GRIK2: variants seen among roughly 807,000 people sequenced by gnomAD.
The protein encoded by GRIK2 is glutamate ionotropic receptor kainate type subunit 2.
GRIK2 carries 32 observed loss-of-function variants against 100.3 expected under a neutral mutation model. That is an observed-to-expected ratio of 0.32 (90% CI 0.24 to 0.43). GRIK2 has a LOEUF of 0.43. GRIK2 is among the 20% of genes least tolerant of loss of function. GRIK2 has a pLI of 1.00. For synonymous variants in GRIK2, 417 were observed against 389.4 expected (o/e 1.07, Z -0.83); for missense variants, 843 against 1,114.9 (o/e 0.76, Z 3.47).
chr6:101,674,551 A>C (rs1770685926), intron 4 of GRIK2, among the ~76,000 whole-genome samples: 1 of 152,208 alleles, frequency 6.6e-6, no homozygotes, highest in Non-Finnish European at 1.5e-5. Flanking sequence ...AAACTCTAGC[A>C]GGTATTACAA....
At chr6:101,776,539 C>G (rs1217454795) in intron 7 of GRIK2, among the ~76,000 whole-genome samples, 1 of 152,090 alleles carries the variant, frequency 6.6e-6, no homozygotes, top group Admixed American at 6.6e-5. Context: ...CAATCCCCTC[C>G]TTTTATAGAT....
intron 2 of GRIK2, among the ~76,000 whole-genome samples, chr6:101,437,655 A>T (rs1562137505): frequency 6.6e-6 from 1 of 152,112 alleles, no homozygotes; most frequent in Non-Finnish European, 1.5e-5. Flanking sequence ...TGATTCACTT[A>T]CAGTACATAC....
At chr6:101,446,004 A>G (rs912154113) in intron 2 of GRIK2, among the ~76,000 whole-genome samples, 9 of 152,000 alleles carry the variant, frequency 5.9e-5, no homozygotes, top group Admixed American at 5.9e-4. Context: ...TGTCTTATTC[A>G]TTCTGATCTC....
chr6:101,442,140 T>C (rs890007249), intron 2 of GRIK2, among the ~76,000 whole-genome samples: 5 of 152,146 alleles, frequency 3.3e-5, no homozygotes, highest in African/African-American at 1.2e-4. Context: ...TGGCCACAGA[T>C]GTGTCTGAAA....
chr6:101,498,712 G>T (rs1038431721), intron 2 of GRIK2, among the ~76,000 whole-genome samples: 14 of 151,894 alleles, frequency 9.2e-5, no homozygotes, highest in African/African-American at 3.4e-4. Flanking sequence ...TTTTGATGGG[G>T]TTGTTTGTTT....
rs1390109264 is a variant in GRIK2 at position 102,068,647 on chromosome 6, ACT to A, written c.*139_*140del. The A allele has an allele frequency of 1.4e-5, 10 of 692,368 alleles. No individual in the cohort carries two copies. The highest frequency in any genetic ancestry group is 1.1e-4 in the Admixed American group (4 of 34,996). 42.9% of individuals were successfully genotyped at this position (692,368 alleles called of 1,614,324 possible). A position where few individuals can be genotyped will look rare whatever the true frequency, so the allele number is the denominator to read the frequency against. On this transcript the variant is annotated 3_prime_UTR_variant, in exon 17 of 17. Coordinates refer to ENST00000369134, the MANE Select transcript of GRIK2 (RefSeq NM_021956.5). ...ATGCCGCTGTGTCTATGAACTAGAG[ACT>A]CTGTGATCTAAGCAGTTGCAATGAT... is the stretch of plus-strand genomic sequence containing the variant.
At chr6:101,498,472 A>G (rs1042256783) in intron 2 of GRIK2, among the ~76,000 whole-genome samples, 22 of 151,328 alleles carry the variant, frequency 1.5e-4, no homozygotes, top group Non-Finnish European at 2.1e-4. Context: ...GAACTAGTTT[A>G]CAGTCCCACC....
intron 10 of GRIK2, among the ~76,000 whole-genome samples, chr6:101,822,675 T>C (rs1025356852): frequency 4.6e-5 from 7 of 152,198 alleles, no homozygotes; most frequent in African/African-American, 1.7e-4. Context: ...ATTCGTTTAC[T>C]TGTAATAATA....
intron 11 of GRIK2, among the ~76,000 whole-genome samples, chr6:101,870,505 A>G (rs1252621981): frequency 2.0e-5 from 3 of 151,852 alleles, no homozygotes; most frequent in Non-Finnish European, 2.9e-5. Context: ...TGAGGCAGGA[A>G]TGATTTGATT....
intron 11 of GRIK2, among the ~76,000 whole-genome samples, chr6:101,869,044 A>T (rs1054720109): frequency 6.6e-5 from 10 of 151,922 alleles, no homozygotes; most frequent in Non-Finnish European, 1.5e-4. Context: ...GAAGTCTTTA[A>T]GCTTGAATTA....
At chr6:101,835,403 A>AT (rs374588754) in intron 10 of GRIK2, among the ~76,000 whole-genome samples, 2 of 151,064 alleles carry the variant, frequency 1.3e-5, no homozygotes, top group African/African-American at 4.9e-5. Context: ...ATCCTCCAAA[A>AT]TTCTTACCAA....
At chr6:101,916,335 A>G (rs1252535497) in intron 12 of GRIK2, among the ~76,000 whole-genome samples, 1 of 151,400 alleles carries the variant, frequency 6.6e-6, no homozygotes, top group Non-Finnish European at 1.5e-5. Context: ...AATATCACAG[A>G]CTTTATGACC....
intron 2 of GRIK2, among the ~76,000 whole-genome samples, chr6:101,527,721 C>T (rs1355168692): frequency 1.3e-5 from 2 of 152,146 alleles, no homozygotes; most frequent in South Asian, 2.1e-4. Flanking sequence ...AGAGCTTGTT[C>T]AAGGGCTATA....
intron 2 of GRIK2, among the ~76,000 whole-genome samples, chr6:101,421,140 A>C (rs1776392812): frequency 6.6e-6 from 1 of 152,124 alleles, no homozygotes; most frequent in South Asian, 2.1e-4. Flanking sequence ...GCATGGGACA[A>C]CTCGGGATGT....
At chr6:101,992,431 T>C (rs765140751) in intron 14 of GRIK2, among the ~76,000 whole-genome samples, 2 of 151,640 alleles carry the variant, frequency 1.3e-5, no homozygotes, top group Admixed American at 6.6e-5. Flanking sequence ...AGCGAATTCA[T>C]ACATATCAAA....
intron 7 of GRIK2, among the ~76,000 whole-genome samples, chr6:101,735,841 C>A (rs1342675767): frequency 6.6e-6 from 1 of 152,172 alleles, no homozygotes; most frequent in African/African-American, 2.4e-5. Context: ...CTCATTTCAG[C>A]ACTAACTCAA....
chr6:101,869,247 A>T (rs561447560), intron 11 of GRIK2, among the ~76,000 whole-genome samples: 10 of 151,998 alleles, frequency 6.6e-5, no homozygotes, highest in Admixed American at 4.6e-4. Context: ...TGATTCAGAC[A>T]ATTTGCGGAG....
At chr6:101,856,283 T>G (rs1260860172) in intron 10 of GRIK2, among the ~76,000 whole-genome samples, 2 of 152,146 alleles carry the variant, frequency 1.3e-5, no homozygotes, top group Non-Finnish European at 2.9e-5. Context: ...TAAACGATGG[T>G]GCCATTTTCT....
At chr6:101,495,103 T>G (rs1582575754) in intron 2 of GRIK2, among the ~76,000 whole-genome samples, 1 of 151,338 alleles carries the variant, frequency 6.6e-6, no homozygotes, top group African/African-American at 2.4e-5. Context: ...GTATATAAAC[T>G]ATTTGCATAT....
Sources: allele counts gnomAD v4.1 joint callset (sites outside exome capture counted in the v4.1 genomes callset), GRCh38; gene constraint gnomAD v4.1.1; transcripts MANE v1.5; gene names NCBI Gene and HGNC (gene_info 2026-07-23, HGNC 2026-07-21).